Variants in TBC1D4 observed in about 807,000 individuals in gnomAD.
TBC1D4 encodes TBC1 domain family member 4.
Under a neutral mutation model 142.5 loss-of-function variants are expected in TBC1D4, and 121 were observed. The ratio of observed to expected loss-of-function variants is 0.85; its 90% CI spans 0.73 to 0.99. The LOEUF is 0.99. TBC1D4 is among the 50% of genes least tolerant of loss of function. The pLI is 0.00. For synonymous variants in TBC1D4, 630 were observed against 628.2 expected, an observed-to-expected ratio of 1.00 and a Z score of -0.04; for missense variants, 1,475 against 1,606.6, an observed-to-expected ratio of 0.92 and a Z score of 1.40.
chr13:75,351,502 T>A (rs539135732), intron 4 of TBC1D4, among the ~76,000 whole-genome samples: 3 of 152,214 alleles, frequency 2.0e-5, no homozygotes, highest in African/African-American at 7.2e-5. Context: ...ATGCGCCATG[T>A]TGGTGTGCTG....
chr13:75,432,315 G>A (rs762043584), intron 1 of TBC1D4, among the ~76,000 whole-genome samples: 20 of 152,150 alleles, frequency 1.3e-4, no homozygotes, highest in Non-Finnish European at 1.9e-4. Flanking sequence ...TATGGCCCCA[G>A]GAACCTCGTG....
chr13:75,317,040 G>A (rs1009139917), intron 12 of TBC1D4, among the ~76,000 whole-genome samples: 1 of 152,154 alleles, frequency 6.6e-6, no homozygotes, highest in Non-Finnish European at 1.5e-5. Context: ...CAAGGTAGAT[G>A]TCATTACTAC....
chr13:75,408,486 A>G (rs1411898211), intron 1 of TBC1D4, among the ~76,000 whole-genome samples: 2 of 152,246 alleles, frequency 1.3e-5, no homozygotes, highest in Admixed American at 1.3e-4. Flanking sequence ...TATGTATCAT[A>G]TAATGGTGAA....
rs537762668 is a variant in TBC1D4 at position 75,438,653 on chromosome 13, A to C, written c.498+42617T>G. Reference sequence around the variant, plus strand: ...TAAAACATTATGGAAAACTTTTATAATATTAAGACTTTTCATGCAGAAACA... The same window carrying C: ...TAAAACATTATGGAAAACTTTTATACTATTAAGACTTTTCATGCAGAAACA... On this transcript the variant is annotated intron_variant, in intron 1 of 20. Transcript: ENST00000377636. 5.9e-5 allele frequency among the ~76,000 whole-genome samples: 9 copies of C among 152,354 alleles called. No homozygotes were observed. In the South Asian group the frequency reaches 1.9e-3, roughly 32 times the overall value.
intron 1 of TBC1D4, 75 bp downstream of exon 1, chr13:75,481,195 T>TCCCCCCCCCCCCCCCCCCCCCCCCC: frequency 7.7e-7 from 1 of 1,292,710 alleles, no homozygotes; most frequent in Non-Finnish European, 1.1e-6. Flanking sequence ...TAAAGTGGGG[T>TCCCCCCCCCCCCCCCCCCCCCCCCC]CCCCGCCCCT....
At chr13:75,306,582 T>C (rs1232370746) in intron 14 of TBC1D4, 111 bp from the exon 15 acceptor site, 9 of 1,292,076 alleles carry the variant, frequency 7.0e-6, no homozygotes, top group Non-Finnish European at 6.5e-6. Context: ...AATCAACTGG[T>C]AGTGTATCTC....
intron 1 of TBC1D4, among the ~76,000 whole-genome samples, chr13:75,368,532 A>G (rs928429385): frequency 2.0e-5 from 3 of 152,188 alleles, no homozygotes; most frequent in Non-Finnish European, 2.9e-5. Flanking sequence ...ATGGCCTCTA[A>G]GTTAGGCCAA....
chr13:75,408,655 C>T (rs763446308), intron 1 of TBC1D4, among the ~76,000 whole-genome samples: 9 of 152,162 alleles, frequency 5.9e-5, no homozygotes, highest in Non-Finnish European at 8.8e-5. Flanking sequence ...GAGACATTTA[C>T]CAAAGTGGCT....
At chr13:75,301,357 G>A (rs1876522016) in intron 16 of TBC1D4, among the ~76,000 whole-genome samples, 1 of 152,112 alleles carries the variant, frequency 6.6e-6, no homozygotes, top group Non-Finnish European at 1.5e-5. Flanking sequence ...TAAGAAGACT[G>A]CTGGCTGGGC....
At chr13:75,321,380 C>A (rs999401928) in intron 11 of TBC1D4, among the ~76,000 whole-genome samples, 1 of 151,830 alleles carries the variant, frequency 6.6e-6, no homozygotes, top group Non-Finnish European at 1.5e-5. Flanking sequence ...TAAACGGACA[C>A]GATGCATGCA....
chr13:75,369,247 C>A (rs1883091679), intron 1 of TBC1D4, among the ~76,000 whole-genome samples: 1 of 152,080 alleles, frequency 6.6e-6, no homozygotes, highest in Non-Finnish European at 1.5e-5. Flanking sequence ...AATCCCAGTA[C>A]TTTGTGGAGG....
At position 75,445,634 on chromosome 13, in the gene TBC1D4, T is replaced by C. The variant is rs1238367306; in HGVS notation, c.498+35636A>G. 2.6e-5 allele frequency among the ~76,000 whole-genome samples: 4 copies of C among 152,210 alleles called. No homozygotes were observed. The East Asian group carries it at 5.8e-4, about 22-fold the overall frequency. ...AATACTAGTTTCATCTAATTTGTTA[T>C]CTGTTACTGGTATAAAAGGAAAGAA... On this transcript the variant is annotated intron_variant, in intron 1 of 20. Transcript: ENST00000377636.
intron 1 of TBC1D4, among the ~76,000 whole-genome samples, chr13:75,384,602 A>G (rs6562890): frequency 0.98 from 147,466 of 149,782 alleles, 72,639 homozygotes; most frequent in East Asian, 1. Context: ...AAAGGTTGCC[A>G]CCGCAAAATA....
In TBC1D4 at chr13:75,327,883, C is replaced by G. The variant is rs573165700; in HGVS notation, c.1732-57G>C. On this transcript the variant is annotated intron_variant, in intron 8 of 20. Coordinates refer to ENST00000377636, the MANE Select transcript of TBC1D4 (RefSeq NM_014832.5). ...TGTGATTTAAAATTTTACTTCAAAA[C>G]TATAAAAGGTAGTTCCAGGTGGTCT... 4.5e-6 allele frequency: 7 copies of G among 1,567,792 alleles called. No individual in the cohort carries two copies. The Admixed American group carries it at 5.0e-5, about 11-fold the overall frequency.
chr13:75,427,201 C>A (rs1392705787), intron 1 of TBC1D4, among the ~76,000 whole-genome samples: 1 of 152,068 alleles, frequency 6.6e-6, no homozygotes, highest in African/African-American at 2.4e-5. Context: ...CATTCTCCTG[C>A]CTCAGCCTCC....
At position 75,324,218 on chromosome 13, in the gene TBC1D4, CAG is replaced by C; in HGVS notation, c.2198+17_2198+18del. On this transcript the variant is annotated intron_variant, in intron 11 of 20. Coordinates refer to ENST00000377636, the MANE Select transcript of TBC1D4 (RefSeq NM_014832.5). ...ACTGCAGAAAATTTTGCTTTGCAAA[CAG>C]AGGACACTGATCTCACCTGATTTCA... is the stretch of plus-strand genomic sequence containing the variant. 6.2e-7 allele frequency: 1 copy of C among 1,613,540 alleles called. No individual in the cohort carries two copies. The highest frequency in any genetic ancestry group is 8.5e-7 in the Non-Finnish European group (1 of 1,179,536).
intron 1 of TBC1D4, among the ~76,000 whole-genome samples, chr13:75,410,249 G>A (rs532585750): frequency 6.6e-6 from 1 of 152,130 alleles, no homozygotes; most frequent in African/African-American, 2.4e-5. Context: ...TCATTCCAAA[G>A]GTTCCTATGC....
rs1322185918 is a variant in TBC1D4, at chr13:75,284,317, A to G, written c.*2475T>C. 1.3e-5 allele frequency among the ~76,000 whole-genome samples: 2 copies of G among 152,110 alleles called. No individual in the cohort carries two copies. The highest frequency in any genetic ancestry group is 2.9e-5 in the Non-Finnish European group (2 of 68,026). On this transcript the variant is annotated 3_prime_UTR_variant, in exon 21 of 21. Coordinates refer to ENST00000377636, the MANE Select transcript of TBC1D4 (RefSeq NM_014832.5). Reference sequence around the variant, plus strand: ...TATCCTCACCATATTATTATTATATACTCACCATAATGTAGAATTAGTGGG... The same window carrying G: ...TATCCTCACCATATTATTATTATATGCTCACCATAATGTAGAATTAGTGGG...
intron 15 of TBC1D4, among the ~76,000 whole-genome samples, chr13:75,305,262 A>G: frequency 6.6e-6 from 1 of 152,190 alleles, no homozygotes; most frequent in East Asian, 1.9e-4. Context: ...TTTAGAAATT[A>G]CTCAGTCTTG....
Sources: gnomAD v4.1 joint callset for allele counts (sites outside exome capture counted in the v4.1 genomes callset) on GRCh38, gnomAD v4.1.1 for gene constraint, MANE v1.5 for transcripts, NCBI Gene and HGNC (gene_info 2026-07-23, HGNC 2026-07-21) for gene names.